SPTLC3: variants seen among roughly 807,000 people sequenced by gnomAD.
The protein encoded by SPTLC3 is serine palmitoyltransferase 3.
A neutral mutation model predicts 59.3 loss-of-function variants in SPTLC3; 36 were observed. The observed-to-expected ratio is 0.61, with a 90% CI of 0.47 to 0.80. SPTLC3 has a LOEUF of 0.80. Among genes scored for constraint, SPTLC3 ranks in the 30% least tolerant of loss-of-function variants. The pLI is 0.00. For synonymous variants in SPTLC3, 257 were observed against 240.8 expected (o/e 1.07, Z -0.62); for missense variants, 625 against 685.1 (o/e 0.91, Z 0.98).
At chr20:13,060,709 C>A (rs1444149167) in intron 2 of SPTLC3, among the ~76,000 whole-genome samples, 2 of 142,488 alleles carry the variant, frequency 1.4e-5, no homozygotes, top group Non-Finnish European at 3.0e-5. Context: ...TAGTATTTGA[C>A]TTTCTGTGTG....
intron 1 of SPTLC3, among the ~76,000 whole-genome samples, chr20:13,029,222 G>A (rs182500253): frequency 2.0e-5 from 3 of 152,210 alleles, no homozygotes; most frequent in East Asian, 1.9e-4. Flanking sequence ...ACTGAATCAC[G>A]TCCCTACAGA....
chr20:13,121,956 A>C (rs1237473876), intron 8 of SPTLC3, among the ~76,000 whole-genome samples: 1 of 152,220 alleles, frequency 6.6e-6, no homozygotes, highest in Admixed American at 6.5e-5. Context: ...AGGGTTGGGG[A>C]CATTGGGAAG....
intron 11 of SPTLC3, among the ~76,000 whole-genome samples, chr20:13,161,321 T>C (rs2038891859): frequency 6.6e-6 from 1 of 152,170 alleles, no homozygotes; most frequent in Admixed American, 6.5e-5. Flanking sequence ...CCTAGACATG[T>C]TGAGACTATG....
intron 7 of SPTLC3, among the ~76,000 whole-genome samples, chr20:13,113,170 G>A (rs916601261): frequency 1.4e-4 from 22 of 152,116 alleles, no homozygotes; most frequent in African/African-American, 5.3e-4. Flanking sequence ...GAGACAGAGA[G>A]AGACTCTGTC....
intron 8 of SPTLC3, among the ~76,000 whole-genome samples, chr20:13,119,729 G>A (rs1448077408): frequency 6.6e-6 from 1 of 152,176 alleles, no homozygotes; most frequent in African/African-American, 2.4e-5. Context: ...AGCGTGTCTG[G>A]CAGAGATTCG....
chr20:13,108,450 A>G (rs962647860), intron 6 of SPTLC3, among the ~76,000 whole-genome samples: 8 of 152,350 alleles, frequency 5.3e-5, no homozygotes, highest in African/African-American at 1.9e-4. Context: ...AGGGCTCTCC[A>G]TTGAGACCAA....
chr20:13,115,308 C>T (rs569279774), intron 7 of SPTLC3, among the ~76,000 whole-genome samples: 1 of 152,226 alleles, frequency 6.6e-6, no homozygotes, highest in African/African-American at 2.4e-5. Context: ...CCCTAGGACT[C>T]TGTGTGTGCC....
chr20:13,130,888 C>T (rs1449505491), intron 9 of SPTLC3, among the ~76,000 whole-genome samples: 2 of 152,186 alleles, frequency 1.3e-5, no homozygotes, highest in Non-Finnish European at 2.9e-5. Flanking sequence ...GACTCAACTT[C>T]CCTCTTGCCA....
At chr20:13,121,606 A>G (rs998927368) in intron 8 of SPTLC3, among the ~76,000 whole-genome samples, 1 of 152,120 alleles carries the variant, frequency 6.6e-6, no homozygotes, top group African/African-American at 2.4e-5. Flanking sequence ...AGAAGACACG[A>G]CCCAGACTCG....
intron 1 of SPTLC3, among the ~76,000 whole-genome samples, chr20:13,016,831 A>G (rs4813105): frequency 0.57 from 85,853 of 151,914 alleles, 26,924 homozygotes; most frequent in South Asian, 0.72. Flanking sequence ...AATCTTTAAC[A>G]TGTCTTGAGA....
chr20:13,105,545 A>T (rs373625091), intron 6 of SPTLC3, among the ~76,000 whole-genome samples: 1 of 152,198 alleles, frequency 6.6e-6, no homozygotes. Context: ...TGTTCATTTT[A>T]AAATTCTGGA....
At chr20:13,090,154 A>G (rs910103283) in intron 4 of SPTLC3, among the ~76,000 whole-genome samples, 1 of 152,218 alleles carries the variant, frequency 6.6e-6, no homozygotes, top group Non-Finnish European at 1.5e-5. Context: ...GCAAAGCATA[A>G]GGGGATTATG....
intron 6 of SPTLC3, among the ~76,000 whole-genome samples, chr20:13,094,689 A>G (rs189323967): frequency 1.2e-4 from 19 of 152,308 alleles, no homozygotes; most frequent in Admixed American, 7.8e-4. Context: ...GAGTATTCTC[A>G]AGTGAACCCC....
intron 10 of SPTLC3, among the ~76,000 whole-genome samples, chr20:13,154,873 T>C (rs1190613187): frequency 6.6e-6 from 1 of 152,172 alleles, no homozygotes; most frequent in Non-Finnish European, 1.5e-5. Context: ...TTATACTAAT[T>C]ACATGTTGTT....
At chr20:13,032,026 A>G (rs1368286854) in intron 1 of SPTLC3, among the ~76,000 whole-genome samples, 3 of 152,204 alleles carry the variant, frequency 2.0e-5, no homozygotes, top group Non-Finnish European at 4.4e-5. Context: ...ATGTAAGTAA[A>G]TAAGAGCATG....
Position 13,164,754 on chromosome 20 carries a change from G to A in SPTLC3, c.1546G>A (p.Val516Ile), listed in dbSNP as rs1356917077. 2 of 1,612,604 alleles carry A rather than the reference G, an allele frequency of 1.2e-6. No individual in the cohort carries two copies. The highest frequency in any genetic ancestry group is 1.3e-5 in the African/African-American group (1 of 74,890). The change falls in exon 12 of 12, where the codon GTT (valine) becomes ATT (isoleucine). Residue 516 changes from valine to isoleucine, a missense_variant and splice_region_variant. Physicochemically the swap from Val to Ile is conservative, Grantham distance 29 (BLOSUM62 3). Transcript: ENST00000399002. ...AAHTREMLDT[V>I]LEALDEMGDL... Reference sequence around the variant, plus strand: ...CTATTGGAAAGCAATCTCATTGCAGGTTTTAGAAGCTCTTGATGAAATGGG... The same window carrying A: ...CTATTGGAAAGCAATCTCATTGCAGATTTTAGAAGCTCTTGATGAAATGGG...
At chr20:13,042,602 G>C (rs973656873) in intron 1 of SPTLC3, among the ~76,000 whole-genome samples, 1 of 152,172 alleles carries the variant, frequency 6.6e-6, no homozygotes, top group Non-Finnish European at 1.5e-5. Flanking sequence ...CTGCAAAACA[G>C]AACTGAGAGT....
chr20:13,130,531 G>A (rs1049639818), intron 9 of SPTLC3, among the ~76,000 whole-genome samples: 1 of 152,238 alleles, frequency 6.6e-6, no homozygotes, highest in Non-Finnish European at 1.5e-5. Flanking sequence ...TGATGCCAAG[G>A]TTCAAAGATG....
At chr20:13,068,046 A>T (rs968162636) in intron 2 of SPTLC3, among the ~76,000 whole-genome samples, 4 of 152,242 alleles carry the variant, frequency 2.6e-5, no homozygotes, top group African/African-American at 4.8e-5. Context: ...AACTGGAAAT[A>T]TTAATAATTC....
Sources: allele counts gnomAD v4.1 joint callset (sites outside exome capture counted in the v4.1 genomes callset), GRCh38; gene constraint gnomAD v4.1.1; transcripts MANE v1.5; gene names NCBI Gene and HGNC (gene_info 2026-07-23, HGNC 2026-07-21).